The following CDC42BPA variants were observed in gnomAD, a reference collection of about 807,000 sequenced individuals.
CDC42BPA encodes CDC42 binding protein kinase alpha, also known as serine/threonine-protein kinase MRCK alpha.
In CDC42BPA, 80 loss-of-function variants were observed where a neutral mutation model predicts 223.5. The ratio of observed to expected loss-of-function variants is 0.36; its 90% CI spans 0.30 to 0.43. CDC42BPA has a LOEUF of 0.43. Among genes scored for constraint, CDC42BPA ranks in the 20% least tolerant of loss-of-function variants. The probability of loss-of-function intolerance (pLI) is 1.00; values close to 1 mark genes in which losing one functional copy is unlikely to be tolerated. For missense variants in CDC42BPA, 1,743 were observed against 2,099.9 expected (o/e 0.83, Z 3.32); for synonymous variants, 694 against 718.6 (o/e 0.97, Z 0.55).
chr1:227,239,346 A>G (rs1303890989), intron 2 of CDC42BPA, among the ~76,000 whole-genome samples: 1 of 152,208 alleles, frequency 6.6e-6, no homozygotes, highest in African/African-American at 2.4e-5. Context: ...ACAATGGCAG[A>G]TACATAACAT....
chr1:227,074,541 G>C (rs1347709471), intron 17 of CDC42BPA, among the ~76,000 whole-genome samples, 177 bp from the exon 18 acceptor site: 1 of 152,138 alleles, frequency 6.6e-6, no homozygotes, highest in African/African-American at 2.4e-5. Flanking sequence ...AGAGGTTTAT[G>C]GAACTGTTCT....
chr1:227,104,436 TAAC>T (rs1685552468), intron 14 of CDC42BPA, among the ~76,000 whole-genome samples: 2 of 152,164 alleles, frequency 1.3e-5, no homozygotes, highest in African/African-American at 4.8e-5. Context: ...AATTTTGTAA[TAAC>T]AAATAGAAAT....
At chr1:227,163,153 C>T (rs1324774352) in intron 5 of CDC42BPA, among the ~76,000 whole-genome samples, 2 of 150,836 alleles carry the variant, frequency 1.3e-5, no homozygotes, top group Non-Finnish European at 2.9e-5. Flanking sequence ...TGTTTCCAAA[C>T]ATATATGTGT....
At chr1:227,132,027 T>C (rs1031357616) in intron 10 of CDC42BPA, among the ~76,000 whole-genome samples, 4 of 149,292 alleles carry the variant, frequency 2.7e-5, no homozygotes, top group Non-Finnish European at 5.9e-5. Context: ...AAACTCAGAA[T>C]GTTCAATATC....
chr1:227,037,681 T>C lies in CDC42BPA; in HGVS notation c.3200-2074A>G, dbSNP rs549992067. On this transcript the variant is annotated intron_variant, in intron 24 of 36. Transcript: ENST00000366766. ...TTCTAACAGCAGAAGAGACAGGAAA[T>C]GGCAACTAGTATTAGAATTTGAGTT... 2.6e-5 allele frequency among the ~76,000 whole-genome samples: 4 copies of C among 152,350 alleles called. No homozygotes were observed. The South Asian group carries it at 8.3e-4, about 32-fold the overall frequency.
intron 23 of CDC42BPA, among the ~76,000 whole-genome samples, chr1:227,044,653 A>G (rs2148807072): frequency 6.6e-6 from 1 of 152,234 alleles, no homozygotes; most frequent in African/African-American, 2.4e-5. Context: ...TTGAGACGTT[A>G]TCTGTTCACT....
chr1:227,189,806 G>C (rs1172992993), intron 5 of CDC42BPA, among the ~76,000 whole-genome samples: 1 of 152,090 alleles, frequency 6.6e-6, no homozygotes, highest in African/African-American at 2.4e-5. Context: ...ACAAGAAAAA[G>C]GAGAGTATCT....
At chr1:227,164,699 T>C (rs1160357167) in intron 5 of CDC42BPA, among the ~76,000 whole-genome samples, 1 of 150,970 alleles carries the variant, frequency 6.6e-6, no homozygotes, top group Non-Finnish European at 1.5e-5. Flanking sequence ...CACACACACG[T>C]GCACGCACAC....
At chr1:227,066,234 C>T (rs1677036776) in intron 21 of CDC42BPA, among the ~76,000 whole-genome samples, 1 of 151,956 alleles carries the variant, frequency 6.6e-6, no homozygotes, top group Non-Finnish European at 1.5e-5. Context: ...ACTAAAAATA[C>T]AAAAATTAGC....
At chr1:227,276,065 C>T (rs1336125018) in intron 1 of CDC42BPA, among the ~76,000 whole-genome samples, 6 of 151,942 alleles carry the variant, frequency 3.9e-5, no homozygotes, top group African/African-American at 9.7e-5. Context: ...GGCTGCCCAT[C>T]GTCTGGGATG....
Position 226,994,525 on chromosome 1 carries a change from G to A in CDC42BPA, c.5134-126C>T, listed in dbSNP as rs750652020. ...AACCCCATGGGGCGGCCTCACTGTC[G>A]GTATAAAGCCCCTTCTATGAGCTGA... On this transcript the variant is annotated intron_variant, in intron 36 of 36. Coordinates refer to ENST00000366766, the MANE Select transcript of CDC42BPA (RefSeq NM_001394014.1). The surrounding 1 kb of genome is among the most constrained non-coding windows in gnomAD (Gnocchi z 4.0). 8.9e-7 allele frequency: 1 copy of A among 1,125,152 alleles called. No homozygotes were observed. The highest frequency in any genetic ancestry group is 1.2e-6 in the Non-Finnish European group (1 of 817,954). 69.7% of individuals were successfully genotyped at this position (1,125,152 alleles called of 1,614,324 possible).
chr1:227,010,447 CCA>C (rs1664951835), intron 34 of CDC42BPA, among the ~76,000 whole-genome samples: 1 of 152,100 alleles, frequency 6.6e-6, no homozygotes, highest in Non-Finnish European at 1.5e-5. Context: ...ATGGGTTCTA[CCA>C]CAGACTTTAA....
Position 227,254,051 on chromosome 1 carries a change from C to A in CDC42BPA, c.270+13G>T. 1 of 1,454,794 alleles carries A rather than the reference C, an allele frequency of 6.9e-7. No individual in the cohort carries two copies. 90.1% of individuals were successfully genotyped at this position (1,454,794 alleles called of 1,614,324 possible). On this transcript the variant is annotated intron_variant, in intron 2 of 36. Transcript: ENST00000366766. ...ATAATTAGCAGACCTTCTATCAAATCTTAATCTCTTACCTCCCCAAAAGCT... is the reference window on the plus strand; with the variant it reads ...ATAATTAGCAGACCTTCTATCAAATATTAATCTCTTACCTCCCCAAAAGCT...
intron 1 of CDC42BPA, chr1:227,264,927 C>T (rs775948316): frequency 1.7e-5 from 21 of 1,227,496 alleles, no homozygotes; most frequent in Admixed American, 1.7e-4. Flanking sequence ...ATACCCCACT[C>T]GGTATATTCA....
intron 15 of CDC42BPA, among the ~76,000 whole-genome samples, chr1:227,096,669 A>C (rs1238797915): frequency 6.6e-6 from 1 of 152,160 alleles, no homozygotes; most frequent in Non-Finnish European, 1.5e-5. Context: ...TCCTAGTTTT[A>C]GTCTACATTC....
At chr1:227,077,453 C>T (rs941412064) in intron 17 of CDC42BPA, among the ~76,000 whole-genome samples, 1 of 152,128 alleles carries the variant, frequency 6.6e-6, no homozygotes, top group Non-Finnish European at 1.5e-5. Flanking sequence ...ACAAAGGTTT[C>T]ATTACTGAAA....
At chr1:227,012,491 C>G (rs1474100765) in intron 34 of CDC42BPA, among the ~76,000 whole-genome samples, 17 of 152,028 alleles carry the variant, frequency 1.1e-4, no homozygotes. Context: ...ATTCAAAAAG[C>G]AAACAATTCT....
intron 15 of CDC42BPA, among the ~76,000 whole-genome samples, chr1:227,098,514 C>T (rs924435590): frequency 2.0e-5 from 3 of 152,030 alleles, no homozygotes; most frequent in Non-Finnish European, 4.4e-5. Flanking sequence ...CCCTTGATAA[C>T]ACTCCCAATC....
chr1:227,222,145 T>C (rs553119936), intron 2 of CDC42BPA, among the ~76,000 whole-genome samples: 1 of 151,470 alleles, frequency 6.6e-6, no homozygotes, highest in African/African-American at 2.4e-5. Flanking sequence ...AGATGGGAGC[T>C]TGGTCAAGAC....
Sources: gnomAD v4.1 joint callset for allele counts (sites outside exome capture counted in the v4.1 genomes callset) on GRCh38, gnomAD v4.1.1 for gene constraint, Gnocchi (gnomAD v3.1) non-coding constraint, MANE v1.5 for transcripts, NCBI Gene and HGNC (gene_info 2026-07-23, HGNC 2026-07-21) for gene names.